Variants in ATP8B4 observed in about 807,000 individuals in gnomAD.
ATP8B4 encodes the protein ATPase phospholipid transporting 8B4 (putative), also known as probable phospholipid-transporting ATPase IM.
ATP8B4 carries 133 observed loss-of-function variants against 145.6 expected under a neutral mutation model. The ratio of observed to expected loss-of-function variants is 0.91; its 90% CI spans 0.79 to 1.05. The LOEUF is 1.05. Among genes scored for constraint, ATP8B4 ranks in the 50% least tolerant of loss-of-function variants. ATP8B4 has a pLI of 0.00. For synonymous variants in ATP8B4, 507 were observed against 492.9 expected (o/e 1.03, Z -0.38); for missense variants, 1,458 against 1,425.2 (o/e 1.02, Z -0.37).
intron 1 of ATP8B4, among the ~76,000 whole-genome samples, chr15:50,172,195 G>C (rs562950356): frequency 3.3e-5 from 5 of 152,184 alleles, no homozygotes; most frequent in African/African-American, 9.7e-5. Flanking sequence ...GATGCCGAGC[G>C]GAGGCTGGAC....
chr15:50,142,176 C>T (rs956489416), intron 1 of ATP8B4, among the ~76,000 whole-genome samples: 5 of 152,132 alleles, frequency 3.3e-5, no homozygotes, highest in East Asian at 3.8e-4. Context: ...AAGTAGGTCC[C>T]GAACAGGAGC....
intron 1 of ATP8B4, among the ~76,000 whole-genome samples, chr15:50,127,397 T>C (rs2057314615): frequency 1.3e-5 from 2 of 152,254 alleles, no homozygotes; most frequent in Admixed American, 6.5e-5. Flanking sequence ...CTTCCTCTAC[T>C]GTGACTTGGG....
chr15:49,920,195 C>A, intron 18 of ATP8B4, 51 bp downstream of exon 18: 1 of 1,588,588 alleles, frequency 6.3e-7, no homozygotes, highest in Non-Finnish European at 8.6e-7. Context: ...AATCTCTAAA[C>A]ACATACTATC....
At chr15:50,112,674 T>A (rs1038483617) in intron 1 of ATP8B4, among the ~76,000 whole-genome samples, 20 of 151,990 alleles carry the variant, frequency 1.3e-4, no homozygotes, top group African/African-American at 4.3e-4. Context: ...AGACTCAATC[T>A]CCACATCTGT....
intron 1 of ATP8B4, among the ~76,000 whole-genome samples, chr15:50,118,527 T>G (rs998504382): frequency 2.6e-5 from 4 of 152,166 alleles, no homozygotes; most frequent in Non-Finnish European, 5.9e-5. Context: ...AGCTTCCAAT[T>G]AATGTTTTTC....
intron 5 of ATP8B4, among the ~76,000 whole-genome samples, chr15:50,041,107 T>C (rs944509344): frequency 1.3e-5 from 2 of 152,210 alleles, no homozygotes; most frequent in African/African-American, 2.4e-5. Context: ...ACTCTACCAT[T>C]TATTCCTCTA....
intron 15 of ATP8B4, among the ~76,000 whole-genome samples, chr15:49,932,531 C>T (rs1231983936): frequency 6.6e-6 from 1 of 152,056 alleles, no homozygotes; most frequent in African/African-American, 2.4e-5. Flanking sequence ...CAGGACCAAT[C>T]TCAACTGCTA....
At chr15:49,926,937 T>C (rs2040777534) in intron 16 of ATP8B4, among the ~76,000 whole-genome samples, 2 of 152,268 alleles carry the variant, frequency 1.3e-5, no homozygotes, top group African/African-American at 2.4e-5. Flanking sequence ...TTTGATAATC[T>C]TGAAAAAGTT....
At chr15:50,010,969 T>C (rs1455514898) in intron 6 of ATP8B4, 52 bp from the exon 7 acceptor site, 10 of 1,267,188 alleles carry the variant, frequency 7.9e-6, no homozygotes, top group Admixed American at 2.5e-5. Flanking sequence ...ATTGAAAGTA[T>C]AACCAAGGGA....
intron 3 of ATP8B4, among the ~76,000 whole-genome samples, chr15:50,068,804 G>A (rs1030457526): frequency 2.6e-5 from 4 of 152,124 alleles, no homozygotes; most frequent in African/African-American, 7.2e-5. Context: ...GAGAGAAGAA[G>A]AACCAACGAG....
intron 1 of ATP8B4, among the ~76,000 whole-genome samples, chr15:50,114,059 T>C (rs1276165560): frequency 7.0e-6 from 1 of 141,964 alleles, no homozygotes; most frequent in Non-Finnish European, 1.5e-5. Flanking sequence ...CTCTTCGTCC[T>C]CTCACATATC....
At chr15:50,018,982 T>C in intron 6 of ATP8B4, 1 of 1,197,642 alleles carries the variant, frequency 8.3e-7, no homozygotes, top group Non-Finnish European at 1.1e-6. Flanking sequence ...AGCACCTTCA[T>C]TATGAGGAGA....
At chr15:50,091,973 G>A (rs1353476927) in intron 2 of ATP8B4, among the ~76,000 whole-genome samples, 3 of 152,060 alleles carry the variant, frequency 2.0e-5, no homozygotes, top group Non-Finnish European at 4.4e-5. Flanking sequence ...AAATAGCCAA[G>A]ATCCGGAAGA....
chr15:50,165,338 C>G (rs1234070973), intron 1 of ATP8B4, among the ~76,000 whole-genome samples: 1 of 152,198 alleles, frequency 6.6e-6, no homozygotes, highest in Non-Finnish European at 1.5e-5. Flanking sequence ...TAGGCATGAG[C>G]CACCACGACC....
intron 3 of ATP8B4, among the ~76,000 whole-genome samples, chr15:50,062,197 G>A (rs1214670563): frequency 2.6e-5 from 4 of 152,142 alleles, no homozygotes; most frequent in African/African-American, 9.7e-5. Flanking sequence ...CCTAGTGGGA[G>A]GTGATTGGAT....
chr15:49,996,908 G>A, intron 8 of ATP8B4, 149 bp from the exon 9 acceptor site: 1 of 590,824 alleles, frequency 1.7e-6, no homozygotes, highest in Non-Finnish European at 3.0e-6. Flanking sequence ...TTCGCTCACT[G>A]TTTCAGGAAA....
chr15:50,066,673 A>G (rs2053403917), intron 3 of ATP8B4, among the ~76,000 whole-genome samples: 1 of 152,164 alleles, frequency 6.6e-6, no homozygotes, highest in Non-Finnish European at 1.5e-5. Context: ...GAAAAGATTG[A>G]TTTAAAAATG....
intron 6 of ATP8B4, among the ~76,000 whole-genome samples, chr15:50,019,968 CT>C (rs34120425): frequency 0.32 from 47,811 of 148,520 alleles, 7,999 homozygotes; most frequent in East Asian, 0.64. Context: ...GGCCAAATGA[CT>C]TTTTTTTTTT....
At chr15:50,036,265 C>A (rs1567237045) in intron 6 of ATP8B4, among the ~76,000 whole-genome samples, 1 of 152,140 alleles carries the variant, frequency 6.6e-6, no homozygotes, top group Admixed American at 6.5e-5. Flanking sequence ...CAGGCAAGTC[C>A]TGTCCTCAGC....
Sources: allele counts gnomAD v4.1 joint callset (sites outside exome capture counted in the v4.1 genomes callset), GRCh38; gene constraint gnomAD v4.1.1; transcripts MANE v1.5; gene names NCBI Gene and HGNC (gene_info 2026-07-23, HGNC 2026-07-21).